DSG2: variants seen among roughly 807,000 people sequenced by gnomAD.
DSG2 encodes desmoglein 2, also known as desmoglein-2.
Under a neutral mutation model 75.6 loss-of-function variants are expected in DSG2, and 45 were observed. The observed-to-expected ratio is 0.60, with a 90% confidence interval of 0.47 to 0.76. DSG2 has a LOEUF of 0.76. DSG2 is among the 30% of genes least tolerant of loss of function. DSG2 has a pLI of 0.00. For missense variants in DSG2, 1,267 were observed against 1,357.4 expected (o/e 0.93, Z 1.05); for synonymous variants, 429 against 483.9 (o/e 0.89, Z 1.49).
Position 31,520,948 on chromosome 18 carries a change from A to T in DSG2, c.362A>T (p.Glu121Val). Residue 121 changes from glutamate to valine, a missense_variant, in exon 4 of 15, where the codon GAA becomes GTA. Transcript: ENST00000261590. Reference protein sequence around the residue: ...LNVTSILDREETPFFLLTGYA... With the variant: ...LNVTSILDREVTPFFLLTGYA... ...GTTACCAGCATTCTTGATCGAGAAG[A>T]AACACCATTTTTTCTGGTAAGAAGA... 6.2e-7 allele frequency: 1 copy of T among 1,613,808 alleles called. No homozygotes were observed. Among genetic ancestry groups the T allele is most frequent in the South Asian group, 1.1e-5 (1 of 91,020 alleles).
At position 31,498,234 on chromosome 18, in the gene DSG2, G is replaced by A; in HGVS notation, c.-18G>A. ...GGCGCGGAGCGGTGCGGCGGCGGGAGGCGGAGGCGAGGGTGCGATGGCGCG... is the reference window on the plus strand; with the variant it reads ...GGCGCGGAGCGGTGCGGCGGCGGGAAGCGGAGGCGAGGGTGCGATGGCGCG... On this transcript the variant is annotated 5_prime_UTR_variant, in exon 1 of 15. Transcript: ENST00000261590. 1 of 1,253,230 alleles carries A rather than the reference G, an allele frequency of 8.0e-7. No individual in the cohort carries two copies. The highest frequency in any genetic ancestry group is 1.0e-6 in the Non-Finnish European group (1 of 995,960). The allele number at this position is 1,253,230 out of a possible 1,614,324, so 77.6% of individuals were successfully genotyped here. A position where few individuals can be genotyped will look rare whatever the true frequency, so the allele number is the denominator to read the frequency against.
chr18:31,522,648 A>G, intron 6 of DSG2: 1 of 174,214 alleles, frequency 5.7e-6, no homozygotes, highest in East Asian at 1.5e-4. Context: ...GGCTACTAGA[A>G]GATTTAAAAT....
At chr18:31,539,763 T>C (rs141726766) in intron 12 of DSG2, among the ~76,000 whole-genome samples, 81 of 152,338 alleles carry the variant, frequency 5.3e-4, no homozygotes, top group African/African-American at 1.9e-3. Context: ...CACCTGTCCA[T>C]GGCCTGTTAG....
Position 31,531,247 on chromosome 18 carries a change from T to A in DSG2, c.1275T>A (p.His425Gln). Residue 425 changes from histidine (H) to glutamine (Q), a missense_variant, in exon 9 of 15, where the codon CAT becomes CAA. Transcript: ENST00000261590. The part of the protein sequence containing the change: ...AFDEDTGLPA[H>Q]ARYVKLEDRD... The stretch of plus-strand genomic sequence containing the variant: ...ATGAGGACACTGGACTACCAGCCCA[T>A]GCAAGGTAAGAGAGAGTGACACGTG... 3 of 1,614,162 alleles carry A rather than the reference T, an allele frequency of 1.9e-6. No homozygotes were observed. The highest frequency in any genetic ancestry group is 1.7e-6 in the Non-Finnish European group (2 of 1,180,002).
rs775642244 is a variant in DSG2, at chr18:31,541,233, C to T, written c.1920C>T (p.Gly640=). The T allele has an allele frequency of 3.5e-5, 56 of 1,613,950 alleles. No homozygotes were observed. The highest frequency in any genetic ancestry group is 4.5e-5 in the Non-Finnish European group (53 of 1,179,956). ...TGCTGATGTGCCATTGCGGAAAGGG[C>T]GCCAAAGGCTTTACCCCCATACCTG... is the stretch of plus-strand genomic sequence containing the variant. ...LLLLMCHCGK[G]AKGFTPIPGT... is the part of the protein sequence containing the mutation. The change falls in exon 13 of 15, where the codon GGC becomes GGT. Residue 640 remains glycine (G), a synonymous_variant. Transcript: ENST00000261590.
In DSG2 at chr18:31,546,050, C is replaced by T. The variant is rs773831600; in HGVS notation, c.2664C>T (p.Phe888=). ...ATACCTACTCCTCTGGCAGTAGCTT[C>T]CCAGTTCCAAAATCTTTGCAAGAAG... ...SENTYSSGSS[F]PVPKSLQEAN... The change falls in exon 15 of 15, where the codon TTC becomes TTT. Residue 888 remains phenylalanine (F), a synonymous_variant. Transcript: ENST00000261590. 2 of 1,614,168 alleles carry T rather than the reference C, an allele frequency of 1.2e-6. No individual in the cohort carries two copies. The highest frequency in any genetic ancestry group is 1.7e-6 in the Non-Finnish European group (2 of 1,180,040).
chr18:31,504,676 G>C (rs1167458198), intron 1 of DSG2, among the ~76,000 whole-genome samples: 1 of 152,172 alleles, frequency 6.6e-6, no homozygotes, highest in African/African-American at 2.4e-5. Context: ...TGGATGTTGA[G>C]AATGTCCCCA....
rs1040002069 is a variant in DSG2 at position 31,518,101 on chromosome 18, C to G, written c.46-138C>G. 11 of 680,496 alleles carry G rather than the reference C, an allele frequency of 1.6e-5. No individual in the cohort carries two copies. The African/African-American group carries it at 1.8e-4, about 11-fold the overall frequency. 42.2% of individuals were successfully genotyped at this position (680,496 alleles called of 1,614,324 possible). ...GAAGGCAATGGGAAAAATTAGTTTC[C>G]TCTTGACAAAGAATAGTAGTAGTGG... is the stretch of plus-strand genomic sequence containing the variant. On this transcript the variant is annotated intron_variant, in intron 1 of 14. Transcript: ENST00000261590.
At chr18:31,541,465 G>C in intron 13 of DSG2, 151 bp downstream of exon 13, 1 of 1,059,720 alleles carries the variant, frequency 9.4e-7, no homozygotes, top group Non-Finnish European at 1.4e-6. Flanking sequence ...TCAAATGACA[G>C]CATATTTTGT....
chr18:31,532,906 GT>G (rs1268104895), intron 9 of DSG2, among the ~76,000 whole-genome samples: 1 of 134,100 alleles, frequency 7.5e-6, no homozygotes, highest in East Asian at 2.7e-4. Context: ...TTTGGCTGCT[GT>G]TTTGTTTGTT....
chr18:31,543,864 TAAA>T (rs576034927), intron 14 of DSG2, among the ~76,000 whole-genome samples: 1 of 94,852 alleles, frequency 1.1e-5, no homozygotes. Flanking sequence ...AAACTCTGTC[TAAA>T]AAAAAAAAAA....
chr18:31,516,762 A>G (rs1186928235), intron 1 of DSG2, among the ~76,000 whole-genome samples: 2 of 152,234 alleles, frequency 1.3e-5, no homozygotes, highest in South Asian at 2.1e-4. Context: ...AGAGAATAAT[A>G]GGTTTCTAGA....
intron 1 of DSG2, among the ~76,000 whole-genome samples, chr18:31,498,524 G>A (rs1423887648): frequency 3.9e-5 from 6 of 152,164 alleles, no homozygotes; most frequent in Admixed American, 2.6e-4. Context: ...GCGACCTATC[G>A]AAGTTGTGTT....
At chr18:31,540,493 C>T (rs1029455799) in intron 12 of DSG2, among the ~76,000 whole-genome samples, 5 of 152,214 alleles carry the variant, frequency 3.3e-5, no homozygotes, top group African/African-American at 1.2e-4. Flanking sequence ...GTACTTGGCA[C>T]ATAATAGACA....
Position 31,542,959 on chromosome 18 carries a change from GT to G in DSG2, c.2334+121del, listed in dbSNP as rs10714882. On this transcript the variant is annotated intron_variant, in intron 14 of 14. Transcript: ENST00000261590. ...GCCTTGGATCCAAATGAGACTTTGG[GT>G]TTTTTTTTTTTTTCTTTTTTCAGGG... is the stretch of plus-strand genomic sequence containing the variant. 159,800 of 678,112 alleles carry G rather than the reference GT, an allele frequency of 0.24. 5,735 individuals are homozygous for G. Among genetic ancestry groups the G allele is most frequent in the East Asian group, 0.39 (9,562 of 24,810 alleles). 42.0% of individuals were successfully genotyped at this position (678,112 alleles called of 1,614,324 possible).
chr18:31,521,389 C>G, intron 5 of DSG2, 146 bp downstream of exon 5: 1 of 871,668 alleles, frequency 1.1e-6, no homozygotes, highest in East Asian at 2.6e-5. Context: ...GAACTGCTTT[C>G]CTTATAGGTT....
intron 2 of DSG2, among the ~76,000 whole-genome samples, chr18:31,519,324 A>C (rs2073113001): frequency 6.6e-6 from 1 of 152,240 alleles, no homozygotes; most frequent in East Asian, 1.9e-4. Context: ...TGGGAGACTG[A>C]GGCGGGCGGA....
At chr18:31,515,104 T>C (rs1229862127) in intron 1 of DSG2, among the ~76,000 whole-genome samples, 1 of 152,056 alleles carries the variant, frequency 6.6e-6, no homozygotes, top group Non-Finnish European at 1.5e-5. Context: ...ATATTAAATT[T>C]TTTTGTTTGT....
chr18:31,501,016 C>T (rs2073010859), intron 1 of DSG2, among the ~76,000 whole-genome samples: 1 of 152,168 alleles, frequency 6.6e-6, no homozygotes, highest in South Asian at 2.1e-4. Flanking sequence ...AATACCTTTA[C>T]ATCTTATGGT....
Sources: allele counts gnomAD v4.1 joint callset (sites outside exome capture counted in the v4.1 genomes callset), GRCh38; gene constraint gnomAD v4.1.1; transcripts MANE v1.5; gene names NCBI Gene and HGNC (gene_info 2026-07-23, HGNC 2026-07-21).